POU2AF2: variants seen among roughly 807,000 people sequenced by gnomAD.
POU2AF2 encodes POU domain class 2-associating factor 2.
the POU2AF2 span, among the ~76,000 whole-genome samples, chr11:111,266,948 C>T: frequency 6.6e-6 from 1 of 152,132 alleles, no homozygotes; most frequent in East Asian, 1.9e-4. Flanking sequence ...TGCTTCAGGC[C>T]CTCCTGCTCA....
the POU2AF2 span, among the ~76,000 whole-genome samples, chr11:111,280,910 T>C: frequency 1.3e-5 from 2 of 152,166 alleles, no homozygotes; most frequent in Admixed American, 1.3e-4. Flanking sequence ...ACTGCAAAAC[T>C]GTGGCCACAA....
the POU2AF2 span, among the ~76,000 whole-genome samples, chr11:111,264,063 T>G: frequency 6.6e-6 from 1 of 152,160 alleles, no homozygotes; most frequent in South Asian, 2.1e-4. Context: ...TACTGCTCAG[T>G]TGTGGGGTAA....
At chr11:111,284,450 T>C in the POU2AF2 span, 1 of 1,476,580 alleles carries the variant, frequency 6.8e-7, no homozygotes, top group Non-Finnish European at 9.0e-7. Flanking sequence ...CCGCTGTGCT[T>C]GGCATCCGGG....
chr11:111,278,894 G>T, the POU2AF2 span, among the ~76,000 whole-genome samples: 62 of 152,244 alleles, frequency 4.1e-4, no homozygotes, highest in Non-Finnish European at 8.2e-4. Flanking sequence ...TTCCTCAGAG[G>T]GTGCTAAGTT....
chr11:111,281,266 C>T, the POU2AF2 span: 2 of 631,566 alleles, frequency 3.2e-6, no homozygotes, highest in Non-Finnish European at 5.2e-6. Context: ...CTCAGTTGAC[C>T]TGAGGGTCAA....
At chr11:111,273,438 A>G in the POU2AF2 span, among the ~76,000 whole-genome samples, 1 of 152,252 alleles carries the variant, frequency 6.6e-6, no homozygotes, top group African/African-American at 2.4e-5. Flanking sequence ...AGAAATGATG[A>G]CAATGAAAAA....
the POU2AF2 span, among the ~76,000 whole-genome samples, chr11:111,265,875 T>A: frequency 6.8e-6 from 1 of 147,480 alleles, no homozygotes. Context: ...AGGAATAAAT[T>A]AAAAAAAAAA....
the POU2AF2 span, among the ~76,000 whole-genome samples, chr11:111,262,636 C>T: frequency 6.6e-5 from 10 of 152,208 alleles, no homozygotes; most frequent in Non-Finnish European, 1.3e-4. Context: ...AAAAGAGAAG[C>T]TGCTCCTTCT....
the POU2AF2 span, among the ~76,000 whole-genome samples, chr11:111,271,201 T>C: frequency 6.6e-6 from 1 of 151,938 alleles, no homozygotes; most frequent in Admixed American, 6.6e-5. Flanking sequence ...CAGATGCCTG[T>C]AATTCCAGCC....
the POU2AF2 span, among the ~76,000 whole-genome samples, chr11:111,271,080 T>G: frequency 4.6e-5 from 7 of 152,310 alleles, no homozygotes; most frequent in African/African-American, 1.4e-4. Flanking sequence ...CTCAGCACTT[T>G]GGGAGACCGA....
chr11:111,281,287 C>T, the POU2AF2 span: 1 of 821,988 alleles, frequency 1.2e-6, no homozygotes, highest in South Asian at 2.0e-5. Flanking sequence ...CCCAACTCCC[C>T]AGATAATACT....
At chr11:111,249,678 T>C in the POU2AF2 span, among the ~76,000 whole-genome samples, 2 of 152,228 alleles carry the variant, frequency 1.3e-5, no homozygotes, top group African/African-American at 4.8e-5. Flanking sequence ...AGGCGTTTCA[T>C]TTATTTCATA....
chr11:111,264,586 AAGAC>A, the POU2AF2 span, among the ~76,000 whole-genome samples: 19 of 149,172 alleles, frequency 1.3e-4, no homozygotes, highest in African/African-American at 2.0e-4. Context: ...GGGAGAGAGA[AAGAC>A]AGAAAGAAGA....
At chr11:111,279,798 T>C in the POU2AF2 span, among the ~76,000 whole-genome samples, 2 of 151,848 alleles carry the variant, frequency 1.3e-5, no homozygotes, top group South Asian at 2.1e-4. Context: ...TTCCAGCAAT[T>C]TGGGAGGCCG....
chr11:111,271,331 AAAAG>A, the POU2AF2 span, among the ~76,000 whole-genome samples: 30 of 152,286 alleles, frequency 2.0e-4, 1 homozygote, highest in East Asian at 7.7e-4. Context: ...CTCAAAAAAA[AAAAG>A]AAAGAGAGTT....
chr11:111,286,232 A>G, the POU2AF2 span: 6 of 640,608 alleles, frequency 9.4e-6, no homozygotes, highest in Non-Finnish European at 1.5e-5. Flanking sequence ...CTGAAATAAA[A>G]CAGAATGTTA....
chr11:111,251,104 G>A, the POU2AF2 span, among the ~76,000 whole-genome samples: 1 of 152,210 alleles, frequency 6.6e-6, no homozygotes. Context: ...CAGGGTGGAT[G>A]TGGAAGCAGG....
the POU2AF2 span, chr11:111,285,743 A>C: frequency 6.2e-7 from 1 of 1,613,564 alleles, no homozygotes; most frequent in Admixed American, 1.7e-5. Context: ...ACCCAGCACG[A>C]GTTGCCTCTC....
the POU2AF2 span, among the ~76,000 whole-genome samples, chr11:111,275,236 A>C: frequency 2.6e-5 from 4 of 152,234 alleles, no homozygotes; most frequent in African/African-American, 9.6e-5. Flanking sequence ...CTCCCACAAC[A>C]AAACTGGATC....
Sources: allele counts gnomAD v4.1 joint callset (sites outside exome capture counted in the v4.1 genomes callset), GRCh38; gene constraint gnomAD v4.1.1; transcripts MANE v1.5; gene names NCBI Gene and HGNC (gene_info 2026-07-23, HGNC 2026-07-21).